The following TES variants were observed in gnomAD, a reference collection of about 807,000 sequenced individuals.
TES encodes the protein testin LIM domain protein.
In TES, 41 loss-of-function variants were observed where a neutral mutation model predicts 48.2. The observed-to-expected ratio is 0.85, with a 90% CI of 0.66 to 1.10. The LOEUF is 1.10. Ranked by LOEUF, TES falls within the 50% of genes least tolerant of loss-of-function variation. TES has a pLI of 0.00. For synonymous variants in TES, 162 were observed against 174.9 expected, an observed-to-expected ratio of 0.93 and a Z score of 0.58; for missense variants, 463 against 515.1, an observed-to-expected ratio of 0.90 and a Z score of 0.98.
intron 1 of TES, among the ~76,000 whole-genome samples, chr7:116,229,672 T>C (rs1490308819): frequency 1.3e-5 from 2 of 152,190 alleles, no homozygotes; most frequent in Non-Finnish European, 2.9e-5. Context: ...ATTTGACTTA[T>C]GAAGGGGAGA....
intron 6 of TES, among the ~76,000 whole-genome samples, chr7:116,254,621 A>C (rs2116634978): frequency 6.6e-6 from 1 of 152,150 alleles, no homozygotes; most frequent in Non-Finnish European, 1.5e-5. Context: ...CTGTAATTCC[A>C]GCTACTTGGG....
chr7:116,216,283 C>T (rs1799492921), intron 1 of TES, among the ~76,000 whole-genome samples: 2 of 152,092 alleles, frequency 1.3e-5, no homozygotes, highest in Non-Finnish European at 2.9e-5. Flanking sequence ...GTCAGTAAGT[C>T]TCCAGTATAT....
intron 2 of TES, chr7:116,239,373 AG>A (rs1401037173): frequency 6.6e-6 from 1 of 152,252 alleles, no homozygotes; most frequent in Non-Finnish European, 1.5e-5. Context: ...AGGGGACAGA[AG>A]TCATAGGGGC....
chr7:116,219,569 C>T (rs1461590129), intron 1 of TES, among the ~76,000 whole-genome samples: 1 of 152,018 alleles, frequency 6.6e-6, no homozygotes, highest in Non-Finnish European at 1.5e-5. Context: ...AAGGTCATGC[C>T]CAACTGCAGG....
chr7:116,213,048 G>C (rs1359036239), intron 1 of TES, among the ~76,000 whole-genome samples: 1 of 152,164 alleles, frequency 6.6e-6, no homozygotes, highest in East Asian at 1.9e-4. Context: ...TAATAGGCTT[G>C]ATAGTCTAAC....
intron 2 of TES, among the ~76,000 whole-genome samples, chr7:116,242,324 G>C (rs1250984704): frequency 6.6e-6 from 1 of 152,164 alleles, no homozygotes; most frequent in African/African-American, 2.4e-5. Context: ...AAGAGTAAAA[G>C]TAAAGAACAT....
chr7:116,247,413 TTTA>T (rs927663134), intron 2 of TES, among the ~76,000 whole-genome samples: 3 of 152,268 alleles, frequency 2.0e-5, no homozygotes, highest in South Asian at 2.1e-4. Context: ...TTCATTTCTT[TTTA>T]TTATTTATTT....
intron 1 of TES, among the ~76,000 whole-genome samples, chr7:116,212,389 A>G (rs1409895880): frequency 1.3e-5 from 2 of 152,222 alleles, no homozygotes; most frequent in African/African-American, 4.8e-5. Flanking sequence ...ACCCTAATGT[A>G]AACTATGTAT....
chr7:116,245,405 T>C (rs2116617205), intron 2 of TES, among the ~76,000 whole-genome samples: 1 of 152,270 alleles, frequency 6.6e-6, no homozygotes, highest in East Asian at 1.9e-4. Context: ...GAGTGGCCTT[T>C]ACATCAGCTC....
At chr7:116,256,598 T>A (rs1800102239) in intron 6 of TES, among the ~76,000 whole-genome samples, 1 of 152,216 alleles carries the variant, frequency 6.6e-6, no homozygotes, top group Non-Finnish European at 1.5e-5. Context: ...GTGGTGTAAA[T>A]GTATGTATGT....
chr7:116,218,962 G>T (rs1799525683), intron 1 of TES, among the ~76,000 whole-genome samples: 1 of 152,112 alleles, frequency 6.6e-6, no homozygotes, highest in South Asian at 2.1e-4. Context: ...GTTCCTAATT[G>T]CCTACTGTCA....
chr7:116,224,783 G>A (rs1799602027), intron 1 of TES, among the ~76,000 whole-genome samples: 2 of 152,034 alleles, frequency 1.3e-5, no homozygotes, highest in African/African-American at 4.8e-5. Flanking sequence ...CAGTCTTTAA[G>A]ATCAAAATTG....
chr7:116,223,851 G>C (rs1289892545), intron 1 of TES, among the ~76,000 whole-genome samples: 2 of 152,148 alleles, frequency 1.3e-5, no homozygotes, highest in African/African-American at 4.8e-5. Context: ...AAATCACTTA[G>C]TCTTTGGATT....
At chr7:116,237,820 A>G (rs60531573) in intron 2 of TES, 18,266 of 152,010 alleles carry the variant, frequency 0.12, 1,110 homozygotes, top group South Asian at 0.19. Flanking sequence ...ACGTGCTCAC[A>G]TGGCCTTTCC....
At chr7:116,217,924 T>A (rs1191756282) in intron 1 of TES, 1 of 511,322 alleles carries the variant, frequency 2.0e-6, no homozygotes, top group East Asian at 5.5e-5. Context: ...GATAAGGATA[T>A]GCATGACTAT....
intron 2 of TES, among the ~76,000 whole-genome samples, chr7:116,248,256 A>G (rs1420667306): frequency 6.6e-6 from 1 of 152,024 alleles, no homozygotes; most frequent in Non-Finnish European, 1.5e-5. Flanking sequence ...TGTCTTTTCT[A>G]TTGTGAATAC....
chr7:116,217,993 G>T (rs1265991173), intron 1 of TES: 1 of 466,588 alleles, frequency 2.1e-6, no homozygotes, highest in East Asian at 6.3e-5. Flanking sequence ...AAAAAGCATA[G>T]TTTAGAATTG....
intron 2 of TES, among the ~76,000 whole-genome samples, chr7:116,238,645 A>G (rs1799805579): frequency 6.7e-6 from 1 of 149,988 alleles, no homozygotes; most frequent in African/African-American, 2.5e-5. Flanking sequence ...CTTGTTGCCC[A>G]GGCTGGAGTG....
intron 1 of TES, chr7:116,217,783 G>T (rs187414463): frequency 3.9e-6 from 2 of 518,352 alleles, no homozygotes; most frequent in African/African-American, 3.8e-5. Flanking sequence ...TAGAGGTTAT[G>T]CTTTTCAACT....
Sources: gnomAD v4.1 joint callset for allele counts (sites outside exome capture counted in the v4.1 genomes callset) on GRCh38, gnomAD v4.1.1 for gene constraint, MANE v1.5 for transcripts, NCBI Gene and HGNC (gene_info 2026-07-23, HGNC 2026-07-21) for gene names.